Variants in PGS1 observed in about 807,000 individuals in gnomAD.
PGS1 encodes the protein CDP-diacylglycerol--glycerol-3-phosphate 3-phosphatidyltransferase, mitochondrial.
Under a neutral mutation model 58.3 loss-of-function variants are expected in PGS1, and 44 were observed. That is an observed-to-expected ratio of 0.75 (90% CI 0.59 to 0.97). The LOEUF (loss-of-function observed/expected upper bound fraction) is 0.97, where lower values mean the gene tolerates loss of function less well. Ranked by LOEUF, PGS1 falls within the 50% of genes least tolerant of loss-of-function variation. The pLI is 0.00. For synonymous variants in PGS1, 330 were observed against 311.0 expected (o/e 1.06, Z -0.64); for missense variants, 684 against 731.1 (o/e 0.94, Z 0.74).
rs1056760875 is a variant in PGS1 at position 78,400,537 on chromosome 17, T to C, written c.702-140T>C. On this transcript the variant is annotated intron_variant, in intron 5 of 9. Coordinates refer to ENST00000262764, the MANE Select transcript of PGS1 (RefSeq NM_024419.5). This position sits in a 1 kb window ranked among gnomAD's most constrained non-coding sequence, Gnocchi z 4.4. Reference sequence around the variant, plus strand: ...GGCTTTGTCTTTTGCACGTGTTCATTGCTGAGTAGCTATTTGTTAACTGCA... The same window carrying C: ...GGCTTTGTCTTTTGCACGTGTTCATCGCTGAGTAGCTATTTGTTAACTGCA... 2.8e-6 allele frequency: 2 copies of C among 708,922 alleles called. No individual in the cohort carries two copies. Among genetic ancestry groups the C allele is most frequent in the Non-Finnish European group, 2.5e-6 (1 of 403,102 alleles). The allele number at this position is 708,922 out of a possible 1,614,324, so 43.9% of individuals were successfully genotyped here.
intron 2 of PGS1, 34 bp from the exon 3 acceptor site, chr17:78,396,274 T>G (rs1486357907): frequency 2.6e-6 from 4 of 1,526,366 alleles, no homozygotes; most frequent in Non-Finnish European, 3.6e-6. Flanking sequence ...ATGAAAATGA[T>G]GAATTTGAAT....
rs1340717386 is a variant in PGS1, at chr17:78,404,019, C to T, written c.1332C>T (p.Cys444=). The T allele has an allele frequency of 3.1e-5, 50 of 1,612,198 alleles. No individual in the cohort carries two copies. The highest frequency in any genetic ancestry group is 4.1e-5 in the Non-Finnish European group (48 of 1,178,940). ...AGCGACAGTTCTTCAGTGAGGTGTG[C>T]AGCCTGGGACAGCAGGAGCGGGTCC... The part of the protein sequence containing the change: ...HIERQFFSEV[C]SLGQQERVQL... Residue 444 remains cysteine, a synonymous_variant, in exon 7 of 10, where the codon TGC becomes TGT. Transcript: ENST00000262764.
chr17:78,402,695 G>A (rs1036089371), intron 6 of PGS1, among the ~76,000 whole-genome samples: 2 of 152,092 alleles, frequency 1.3e-5, no homozygotes, highest in Non-Finnish European at 2.9e-5. Context: ...TGATCTGCCC[G>A]CTCCTGCCTC....
At chr17:78,423,123 T>TG (rs2086067192) in intron 9 of PGS1, among the ~76,000 whole-genome samples, 1 of 151,188 alleles carries the variant, frequency 6.6e-6, no homozygotes, top group African/African-American at 2.4e-5. Flanking sequence ...AAAAAAATGT[T>TG]GATCCTGTCT....
intron 7 of PGS1, among the ~76,000 whole-genome samples, chr17:78,414,064 C>G (rs774519022): frequency 6.6e-6 from 1 of 152,204 alleles, no homozygotes; most frequent in Non-Finnish European, 1.5e-5. Context: ...TCTTTTCCAG[C>G]CAGGAAGTCC....
chr17:78,407,491 T>C (rs1453053253), intron 7 of PGS1, among the ~76,000 whole-genome samples: 1 of 152,236 alleles, frequency 6.6e-6, no homozygotes, highest in African/African-American at 2.4e-5. Flanking sequence ...TTCCTGACTG[T>C]CTGCCCTTTG....
chr17:78,417,229 A>G (rs1407738900), intron 8 of PGS1, among the ~76,000 whole-genome samples: 2 of 152,126 alleles, frequency 1.3e-5, no homozygotes, highest in Non-Finnish European at 2.9e-5. Flanking sequence ...CTGGTAATTT[A>G]GTTGCAATCT....
chr17:78,384,082 C>T (rs751156692), intron 1 of PGS1, among the ~76,000 whole-genome samples: 1 of 152,208 alleles, frequency 6.6e-6, no homozygotes, highest in Non-Finnish European at 1.5e-5. Flanking sequence ...TTTGGCCACC[C>T]AGGCTGTATT....
In PGS1 at chr17:78,400,908, G is replaced by A; in HGVS notation, c.880+53G>A. ...TGGCTGTGGGTGGGGTGGAGTGAGG[G>A]CCCGGGAGAGCACAACTCTAGGTGG... On this transcript the variant is annotated intron_variant, in intron 6 of 9. Coordinates refer to ENST00000262764, the MANE Select transcript of PGS1 (RefSeq NM_024419.5). This position sits in a 1 kb window ranked among gnomAD's most constrained non-coding sequence, Gnocchi z 4.4. The A allele has an allele frequency of 1.4e-6, 2 of 1,448,376 alleles. No homozygotes were observed. Among genetic ancestry groups the A allele is most frequent in the South Asian group, 1.3e-5 (1 of 76,170 alleles). 89.7% of individuals were successfully genotyped at this position (1,448,376 alleles called of 1,614,324 possible).
At position 78,396,369 on chromosome 17, in the gene PGS1, C is replaced by G; in HGVS notation, c.395C>G (p.Pro132Arg). Residue 132 changes from proline (P) to arginine (R), a missense_variant, in exon 3 of 10, where the codon CCT becomes CGT. Coordinates refer to ENST00000262764, the MANE Select transcript of PGS1 (RefSeq NM_024419.5). ...VMASLYLGTG[P>R]LEQELVDCLE... is the part of the protein sequence containing the mutation. ...GCATCCCTCTACCTGGGGACAGGTC[C>G]TTTGGAACAGGAGCTGGTAAGGTTT... The G allele has an allele frequency of 6.2e-7, 1 of 1,611,804 alleles. No individual in the cohort carries two copies. Among genetic ancestry groups the G allele is most frequent in the Non-Finnish European group, 8.5e-7 (1 of 1,178,620 alleles).
At chr17:78,419,743 T>C (rs1176699746) in intron 9 of PGS1, 68 bp downstream of exon 9, 41 of 1,597,098 alleles carry the variant, frequency 2.6e-5, no homozygotes, top group Non-Finnish European at 8.5e-6. Context: ...AGGTGGTTGT[T>C]CTGACTCAAC....
At chr17:78,384,136 C>T (rs1232405792) in intron 1 of PGS1, among the ~76,000 whole-genome samples, 4 of 152,196 alleles carry the variant, frequency 2.6e-5, no homozygotes, top group Non-Finnish European at 4.4e-5. Context: ...CCAATGTAAT[C>T]GACTTCCTTT....
At chr17:78,395,771 C>T (rs747133625) in intron 2 of PGS1, among the ~76,000 whole-genome samples, 5 of 152,210 alleles carry the variant, frequency 3.3e-5, no homozygotes, top group Non-Finnish European at 7.3e-5. Context: ...CAGAATCTTG[C>T]TCTGTTGCCC....
chr17:78,399,333 T>G lies in PGS1; in HGVS notation c.512-15T>G. On this transcript the variant is annotated splice_polypyrimidine_tract_variant and intron_variant, in intron 4 of 9. Transcript: ENST00000262764. Reference sequence around the variant, plus strand: ...CTGTTGTGAGTCAGGTGCCGTTTTCTCTGTCCGTGTTCAGGCCGGAAGAAC... The same window carrying G: ...CTGTTGTGAGTCAGGTGCCGTTTTCGCTGTCCGTGTTCAGGCCGGAAGAAC... 1 of 1,608,192 alleles carries G rather than the reference T, an allele frequency of 6.2e-7. No homozygotes were observed. Among genetic ancestry groups the G allele is most frequent in the Admixed American group, 1.7e-5 (1 of 59,804 alleles).
intron 1 of PGS1, among the ~76,000 whole-genome samples, chr17:78,381,750 C>T (rs1169618279): frequency 1.3e-5 from 2 of 152,144 alleles, no homozygotes; most frequent in South Asian, 2.1e-4. Flanking sequence ...TTTACTGCCG[C>T]GGTTTCCTTT....
chr17:78,402,678 C>T (rs1598324656), intron 6 of PGS1, among the ~76,000 whole-genome samples: 2 of 152,172 alleles, frequency 1.3e-5, no homozygotes, highest in Admixed American at 1.3e-4. Context: ...AAACTCCTGG[C>T]CTCAGGTGAT....
In PGS1 at chr17:78,398,248, G is replaced by C. The variant is rs750887574; in HGVS notation, c.412-4G>C. 4 of 1,602,124 alleles carry C rather than the reference G, an allele frequency of 2.5e-6. No individual in the cohort carries two copies. In the South Asian group the frequency reaches 4.4e-5, roughly 18 times the overall value. On this transcript the variant is annotated splice_polypyrimidine_tract_variant and splice_region_variant and intron_variant, in intron 3 of 9. Coordinates refer to ENST00000262764, the MANE Select transcript of PGS1 (RefSeq NM_024419.5). ...ATCTTCTTTTCTGTGTTCTTTCTTG[G>C]TAGGTGGACTGCCTGGAAAGTACTC...
In PGS1 at chr17:78,424,096, GT is replaced by G. The variant is rs2086270791; in HGVS notation, c.*47del. 1 of 1,613,800 alleles carries G rather than the reference GT, an allele frequency of 6.2e-7. No homozygotes were observed. The highest frequency in any genetic ancestry group is 1.7e-5 in the Admixed American group (1 of 60,014). Reference sequence around the variant, plus strand: ...GATGAAGATGACAGGCATGGCCGGGGTCAGCTCTTTCAGCCGCGCTTCAGCG... The same window carrying G: ...GATGAAGATGACAGGCATGGCCGGGGCAGCTCTTTCAGCCGCGCTTCAGCG... On this transcript the variant is annotated 3_prime_UTR_variant, in exon 10 of 10. Coordinates refer to ENST00000262764, the MANE Select transcript of PGS1 (RefSeq NM_024419.5).
intron 8 of PGS1, among the ~76,000 whole-genome samples, chr17:78,418,427 G>A (rs1214216906): frequency 1.4e-4 from 21 of 152,176 alleles, no homozygotes; most frequent in Non-Finnish European, 1.5e-5. Flanking sequence ...TCTGTCGTGT[G>A]TGTGTATTTC....
Sources: gnomAD v4.1 joint callset for allele counts (sites outside exome capture counted in the v4.1 genomes callset) on GRCh38, gnomAD v4.1.1 for gene constraint, Gnocchi (gnomAD v3.1) non-coding constraint, MANE v1.5 for transcripts, NCBI Gene and HGNC (gene_info 2026-07-23, HGNC 2026-07-21) for gene names.